SCML4: variants seen among roughly 807,000 people sequenced by gnomAD.
SCML4 encodes Scm polycomb group protein like 4.
In SCML4, 34 loss-of-function variants were observed where a neutral mutation model predicts 41.1. The observed-to-expected ratio is 0.83, with a 90% confidence interval of 0.63 to 1.10. The LOEUF (loss-of-function observed/expected upper bound fraction) is 1.10. Ranked by LOEUF, SCML4 falls within the 50% of genes least tolerant of loss-of-function variation. The pLI, the probability that SCML4 is intolerant of heterozygous loss-of-function variation, is 0.00. For missense variants in SCML4, 522 were observed against 534.1 expected, an observed-to-expected ratio of 0.98 and a Z score of 0.22; for synonymous variants, 214 against 220.9, an observed-to-expected ratio of 0.97 and a Z score of 0.28.
chr6:107,782,785 G>C (rs1471386219), intron 1 of SCML4, among the ~76,000 whole-genome samples: 1 of 149,482 alleles, frequency 6.7e-6, no homozygotes, highest in Non-Finnish European at 1.5e-5. Flanking sequence ...GGCAGGTGCT[G>C]GTCTGAGTTT....
chr6:107,810,255 G>T (rs1307632125), intron 1 of SCML4, among the ~76,000 whole-genome samples: 1 of 152,136 alleles, frequency 6.6e-6, no homozygotes, highest in African/African-American at 2.4e-5. Context: ...ACTGGGTAGG[G>T]CCCAGAATCA....
At chr6:107,803,913 G>C (rs1309053252) in intron 1 of SCML4, among the ~76,000 whole-genome samples, 2 of 151,632 alleles carry the variant, frequency 1.3e-5, no homozygotes, top group East Asian at 1.9e-4. Context: ...CAAACACTGC[G>C]GAAGGCCGCA....
chr6:107,747,199 A>G (rs981156788), intron 3 of SCML4, among the ~76,000 whole-genome samples: 1 of 152,216 alleles, frequency 6.6e-6, no homozygotes, highest in Non-Finnish European at 1.5e-5. Context: ...GACCGTGTGT[A>G]AAAAGGTATT....
At chr6:107,833,597 C>A in the SCML4 span, among the ~76,000 whole-genome samples, 71 of 152,226 alleles carry the variant, frequency 4.7e-4, no homozygotes, top group African/African-American at 1.6e-3. Context: ...CCAGCAAAGA[C>A]CCCTTTGGAC....
At chr6:107,736,272 C>T (rs1319520777) in intron 5 of SCML4, among the ~76,000 whole-genome samples, 1 of 152,220 alleles carries the variant, frequency 6.6e-6, no homozygotes, top group East Asian at 1.9e-4. Context: ...TCTGTTCTTT[C>T]ACATCTTTGC....
At chr6:107,766,093 G>A (rs544029758) in intron 2 of SCML4, among the ~76,000 whole-genome samples, 32 of 152,282 alleles carry the variant, frequency 2.1e-4, no homozygotes, top group African/African-American at 6.7e-4. Context: ...AAGGTTGGCC[G>A]GGTGCAGTCC....
At chr6:107,721,542 A>G (rs115160706) in intron 5 of SCML4, among the ~76,000 whole-genome samples, 9,869 of 141,194 alleles carry the variant, frequency 0.07, 449 homozygotes, top group Admixed American at 0.16. Flanking sequence ...AAAAAAAAAA[A>G]GAGTAAGATC....
chr6:107,720,157 C>G, intron 6 of SCML4: 1 of 954,198 alleles, frequency 1.0e-6, no homozygotes, highest in South Asian at 4.8e-5. Context: ...TTCTCCTGGG[C>G]AGAGCTAACC....
intron 1 of SCML4, among the ~76,000 whole-genome samples, chr6:107,796,107 A>G (rs915141971): frequency 6.6e-6 from 1 of 151,980 alleles, no homozygotes; most frequent in Non-Finnish European, 1.5e-5. Flanking sequence ...TTCCAGTTTT[A>G]AGCTATTTTG....
At chr6:107,842,458 C>T in the SCML4 span, among the ~76,000 whole-genome samples, 3 of 152,160 alleles carry the variant, frequency 2.0e-5, no homozygotes, top group Non-Finnish European at 4.4e-5. Flanking sequence ...AGTGCAGTGG[C>T]GCGATCTTGG....
chr6:107,729,261 G>A (rs1776298144), intron 5 of SCML4, among the ~76,000 whole-genome samples: 1 of 152,192 alleles, frequency 6.6e-6, no homozygotes, highest in Admixed American at 6.5e-5. Flanking sequence ...TCCCTCTCAG[G>A]ACTCTAGGGG....
chr6:107,776,161 C>T (rs556426230), intron 1 of SCML4, among the ~76,000 whole-genome samples: 5 of 151,494 alleles, frequency 3.3e-5, no homozygotes, highest in South Asian at 2.1e-4. Flanking sequence ...GACATGACCA[C>T]GTAAAACTCA....
chr6:107,718,417 C>T (rs80049926), intron 6 of SCML4: 3,452 of 153,670 alleles, frequency 0.022, 109 homozygotes, highest in East Asian at 0.16. Context: ...GTCCATTAAG[C>T]GTCTTTCCTT....
At chr6:107,796,352 A>G (rs1306139428) in intron 1 of SCML4, among the ~76,000 whole-genome samples, 5 of 152,160 alleles carry the variant, frequency 3.3e-5, no homozygotes, top group African/African-American at 4.8e-5. Flanking sequence ...CATTTTAGCA[A>G]TTCTAGTGGG....
chr6:107,732,091 T>C (rs1193115017), intron 5 of SCML4: 1 of 152,300 alleles, frequency 6.6e-6, no homozygotes, highest in Admixed American at 6.5e-5. Context: ...TGTGAATCTC[T>C]AACGGACTTC....
chr6:107,822,508 C>CTTTTTTTTTTTTTTT (rs10677944), intron 1 of SCML4, among the ~76,000 whole-genome samples: 2 of 138,004 alleles, frequency 1.4e-5, no homozygotes, highest in African/African-American at 5.7e-5. Context: ...TTTTTCTTTT[C>CTTTTTTTTTTTTTTT]TTTTTTTTTT....
chr6:107,783,791 G>T (rs979511423), intron 1 of SCML4, among the ~76,000 whole-genome samples: 2 of 152,264 alleles, frequency 1.3e-5, no homozygotes, highest in African/African-American at 4.8e-5. Flanking sequence ...TAGAGGTTGG[G>T]ATGGGTGAAG....
chr6:107,839,428 G>A, the SCML4 span, among the ~76,000 whole-genome samples: 1 of 149,908 alleles, frequency 6.7e-6, no homozygotes, highest in African/African-American at 2.5e-5. Flanking sequence ...GAGAGGGAGG[G>A]AGGAAAAAGA....
intron 4 of SCML4, chr6:107,745,781 G>A (rs1778019451): frequency 6.6e-6 from 1 of 152,288 alleles, no homozygotes; most frequent in Admixed American, 6.5e-5. Context: ...CATGAGCTCA[G>A]GAGTTTGAGA....
Sources: allele counts gnomAD v4.1 joint callset (sites outside exome capture counted in the v4.1 genomes callset), GRCh38; gene constraint gnomAD v4.1.1; transcripts MANE v1.5; gene names NCBI Gene and HGNC (gene_info 2026-07-23, HGNC 2026-07-21).